KDM4A: variants seen among roughly 807,000 people sequenced by gnomAD.
KDM4A encodes lysine demethylase 4A, also known as lysine-specific demethylase 4A.
A neutral mutation model predicts 127.1 loss-of-function variants in KDM4A; 23 were observed. The ratio of observed to expected loss-of-function variants is 0.18; its 90% CI spans 0.13 to 0.26. KDM4A has a LOEUF of 0.26. Among genes scored for constraint, KDM4A ranks in the 10% least tolerant of loss-of-function variants. The pLI, the probability that KDM4A is intolerant of heterozygous loss-of-function variation, is 1.00. For synonymous variants in KDM4A, 443 were observed against 466.5 expected, an observed-to-expected ratio of 0.95 and a Z score of 0.65; for missense variants, 890 against 1,329.1, an observed-to-expected ratio of 0.67 and a Z score of 5.14.
rs576969779 is a variant in KDM4A, at chr1:43,660,303, G to A, written c.320G>A (p.Cys107Tyr). Residue 107 changes from cysteine (C) to tyrosine (Y), a missense_variant, in exon 4 of 22, where the codon TGT becomes TAT. Around this residue, in one of 7 missense-constraint regions of KDM4A, gnomAD observed 41 missense variants for 40.8 expected, o/e 1.00. Transcript: ENST00000372396. ...FRKIANSDKYCTPRYSEFEEL... is the reference protein window; with the variant it reads ...FRKIANSDKYYTPRYSEFEEL... ...TTCTTTTTACTTTCAAAAAGGTACTGTACCCCACGCTATAGTGAGTTTGAA... is the reference window on the plus strand; with the variant it reads ...TTCTTTTTACTTTCAAAAAGGTACTATACCCCACGCTATAGTGAGTTTGAA... 3 of 1,613,922 alleles carry A rather than the reference G, an allele frequency of 1.9e-6. No individual in the cohort carries two copies. Among genetic ancestry groups the A allele is most frequent in the South Asian group, 1.1e-5 (1 of 91,066 alleles).
intron 9 of KDM4A, among the ~76,000 whole-genome samples, chr1:43,668,758 TGAG>T (rs1420251203): frequency 6.6e-6 from 1 of 152,212 alleles, no homozygotes; most frequent in Non-Finnish European, 1.5e-5. Context: ...ATCTGTGCTC[TGAG>T]GAGAATTTAT....
At chr1:43,656,710 G>T (rs1660249495) in intron 3 of KDM4A, among the ~76,000 whole-genome samples, 1 of 150,356 alleles carries the variant, frequency 6.7e-6, no homozygotes, top group African/African-American at 2.4e-5. Context: ...GTGTTTCCTT[G>T]TTCAGCTCTG....
intron 1 of KDM4A, among the ~76,000 whole-genome samples, chr1:43,650,979 A>G (rs1410654931): frequency 6.6e-6 from 1 of 152,204 alleles, no homozygotes; most frequent in Non-Finnish European, 1.5e-5. Context: ...GGGTTGAAGA[A>G]GGGATGAACA....
At chr1:43,669,441 T>C in intron 10 of KDM4A, 142 bp downstream of exon 10, 1 of 846,478 alleles carries the variant, frequency 1.2e-6, no homozygotes, top group Non-Finnish European at 1.9e-6. Context: ...GTGTGAGAAG[T>C]GCTTTGGGTA....
intron 4 of KDM4A, among the ~76,000 whole-genome samples, chr1:43,661,428 G>A (rs1004813023): frequency 2.0e-5 from 3 of 151,190 alleles, no homozygotes; most frequent in African/African-American, 7.3e-5. Flanking sequence ...CTGACATGGT[G>A]AAACCCCGTC....
Position 43,671,527 on chromosome 1 carries a change from C to A in KDM4A, c.1386C>A (p.Val462=). The A allele has an allele frequency of 1.9e-6, 3 of 1,568,476 alleles. No homozygotes were observed. The highest frequency in any genetic ancestry group is 2.4e-5 in the South Asian group (2 of 83,432). The change falls in exon 11 of 22, where the codon GTC becomes GTA. Residue 462 remains valine, a synonymous_variant. Coordinates refer to ENST00000372396, the MANE Select transcript of KDM4A (RefSeq NM_014663.3). ...CAGATTATTCTGACTCCACTGAAGT[C>A]AAATTTGAAGAGCTTAAAAATGTCA... ...TFPDYSDSTE[V]KFEELKNVKL...
chr1:43,668,665 A>C (rs1009690280), intron 9 of KDM4A, among the ~76,000 whole-genome samples: 12 of 152,218 alleles, frequency 7.9e-5, no homozygotes, highest in Non-Finnish European at 1.5e-4. Flanking sequence ...TCTTTTAAAA[A>C]GAAGTGTAGT....
At chr1:43,660,213 G>T in intron 3 of KDM4A, 85 bp from the exon 4 acceptor site, 1 of 1,413,880 alleles carries the variant, frequency 7.1e-7, no homozygotes, top group Non-Finnish European at 9.9e-7. Flanking sequence ...GCTGTCACTG[G>T]AATAGGGGAT....
intron 14 of KDM4A, 39 bp downstream of exon 14, chr1:43,691,088 A>T: frequency 6.3e-7 from 1 of 1,599,818 alleles, no homozygotes; most frequent in Non-Finnish European, 8.6e-7. Context: ...CTGTCCCAGG[A>T]GTATGGGCCT....
At position 43,667,008 on chromosome 1, in the gene KDM4A, G is replaced by A. The variant is rs773589956; in HGVS notation, c.832G>A (p.Gly278Ser). 1.2e-6 allele frequency: 2 copies of A among 1,613,994 alleles called. No individual in the cohort carries two copies. The highest frequency in any genetic ancestry group is 1.7e-6 in the Non-Finnish European group (2 of 1,179,928). Reference sequence around the variant, plus strand: ...CACTTTCCCTTATGGTTACCATGCCGGCTTTAACCATGGTTTTAACTGTGC... The same window carrying A: ...CACTTTCCCTTATGGTTACCATGCCAGCTTTAACCATGGTTTTAACTGTGC... ...MITFPYGYHA[G>S]FNHGFNCAES... The change falls in exon 8 of 22, where the codon GGC becomes AGC. Residue 278 changes from glycine to serine, a missense_variant. Physicochemically the swap from Gly to Ser is moderately conservative, Grantham distance 56. This residue lies in a region of KDM4A where 141 missense variants were observed against 273.5 expected (regional missense o/e 0.52). Transcript: ENST00000372396.
At chr1:43,698,085 T>C in intron 19 of KDM4A, 72 bp downstream of exon 19, 1 of 1,452,542 alleles carries the variant, frequency 6.9e-7, no homozygotes, top group South Asian at 1.2e-5. Flanking sequence ...TGGCAGACTG[T>C]GTGTGTATGC....
rs148308072 is a variant in KDM4A, at chr1:43,671,702, A to C, written c.1561A>C (p.Ile521Leu). The change falls in exon 11 of 22, where the codon ATC becomes CTC. Residue 521 changes from isoleucine to leucine, a missense_variant. Physicochemically the swap from Ile to Leu is conservative, Grantham distance 5. Transcript: ENST00000372396. ...SLGSGSSRDSISSDSETSEPL... is the reference protein window; with the variant it reads ...SLGSGSSRDSLSSDSETSEPL... ...GGGCTCTGGCTCTTCACGGGATTCT[A>C]TCTCTTCTGATTCAGAAACTAGTGA... 3.6e-5 allele frequency: 58 copies of C among 1,613,272 alleles called. No individual in the cohort carries two copies. Among genetic ancestry groups the C allele is most frequent in the African/African-American group, 8.0e-5 (6 of 74,908 alleles).
chr1:43,668,669 G>A (rs1270704084), intron 9 of KDM4A, among the ~76,000 whole-genome samples: 1 of 152,198 alleles, frequency 6.6e-6, no homozygotes, highest in South Asian at 2.1e-4. Flanking sequence ...TTAAAAAGAA[G>A]TGTAGTGAGG....
At chr1:43,676,214 T>A (rs1015715577) in intron 11 of KDM4A, among the ~76,000 whole-genome samples, 8 of 152,030 alleles carry the variant, frequency 5.3e-5, no homozygotes, top group African/African-American at 1.9e-4. Context: ...TGCTTGAGCC[T>A]GAGAGGTTGA....
chr1:43,665,156 T>TA (rs1292115425), intron 5 of KDM4A, among the ~76,000 whole-genome samples: 5 of 152,144 alleles, frequency 3.3e-5, no homozygotes, highest in Non-Finnish European at 5.9e-5. Flanking sequence ...GGTAGAGAGG[T>TA]AATTGATTGT....
At position 43,684,300 on chromosome 1, in the gene KDM4A, C is replaced by T. The variant is rs147365100; in HGVS notation, c.1855+496C>T. ...TGGGCGGATCATGAGGTCAGGAGAT[C>T]GAGACCATCCTGGCTAACACGTGAA... On this transcript the variant is annotated intron_variant, in intron 12 of 21. Transcript: ENST00000372396. 8.5e-3 allele frequency among the ~76,000 whole-genome samples: 1,287 copies of T among 152,186 alleles called. 16 individuals carry two copies. Among genetic ancestry groups the T allele is most frequent in the African/African-American group, 0.029 (1,224 of 41,526 alleles).
chr1:43,656,801 C>T (rs1408539198), intron 3 of KDM4A, among the ~76,000 whole-genome samples: 1 of 151,780 alleles, frequency 6.6e-6, no homozygotes, highest in Non-Finnish European at 1.5e-5. Flanking sequence ...TCTCGGCTCA[C>T]TGCAACCTCC....
rs777098226 is a variant in KDM4A at position 43,666,577 on chromosome 1, A to G, written c.777+22A>G. On this transcript the variant is annotated intron_variant, in intron 7 of 21. Coordinates refer to ENST00000372396, the MANE Select transcript of KDM4A (RefSeq NM_014663.3). ...CAAGGTGAGCTGATGTTACATGCCA[A>G]AGTTCTCAGGCACCACCCTTTCTGG... 3.2e-6 allele frequency: 5 copies of G among 1,584,136 alleles called. 1 individual carries two copies. In the Admixed American group the frequency reaches 6.7e-5, roughly 21 times the overall value.
rs1295987996 is a variant in KDM4A, at chr1:43,692,241, C to T, written c.2320-15C>T. 1.2e-6 allele frequency: 2 copies of T among 1,613,772 alleles called. No homozygotes were observed. The highest frequency in any genetic ancestry group is 1.7e-6 in the Non-Finnish European group (2 of 1,179,772). On this transcript the variant is annotated splice_polypyrimidine_tract_variant and intron_variant, in intron 15 of 21. Transcript: ENST00000372396. Reference sequence around the variant, plus strand: ...TGGTATTAACCACTTTTTCCTCCCTCTCCTTTCTTGGCAGGACTGCTGTTT... The same window carrying T: ...TGGTATTAACCACTTTTTCCTCCCTTTCCTTTCTTGGCAGGACTGCTGTTT...
Sources: gnomAD v4.1 joint callset for allele counts (sites outside exome capture counted in the v4.1 genomes callset) on GRCh38, gnomAD v4.1.1 for gene constraint, gnomAD v4.1.1 regional missense constraint, MANE v1.5 for transcripts, NCBI Gene and HGNC (gene_info 2026-07-23, HGNC 2026-07-21) for gene names.